RANBP17: variants seen among roughly 807,000 people sequenced by gnomAD.
RANBP17 encodes the protein RAN binding protein 17.
RANBP17 carries 158 observed loss-of-function variants against 141.2 expected under a neutral mutation model. The ratio of observed to expected loss-of-function variants is 1.12; its 90% CI spans 0.98 to 1.28. The LOEUF is 1.28. Ranked by LOEUF, RANBP17 falls within the 50% of genes most tolerant of loss-of-function variation. The pLI, the probability that RANBP17 is intolerant of heterozygous loss-of-function variation, is 0.00. For synonymous variants in RANBP17, 430 were observed against 450.0 expected (o/e 0.96, Z 0.56); for missense variants, 1,438 against 1,290.7 (o/e 1.11, Z -1.75).
intron 14 of RANBP17, among the ~76,000 whole-genome samples, chr5:170,992,472 A>G (rs1277642458): frequency 6.6e-6 from 1 of 152,008 alleles, no homozygotes; most frequent in East Asian, 1.9e-4. Context: ...TCAAGATATG[A>G]ATACTGTACT....
intron 12 of RANBP17, among the ~76,000 whole-genome samples, chr5:170,943,903 T>G (rs1167931482): frequency 6.6e-6 from 1 of 152,300 alleles, no homozygotes; most frequent in Admixed American, 6.5e-5. Flanking sequence ...AATCTAATCT[T>G]TTAGCAAATA....
intron 15 of RANBP17, among the ~76,000 whole-genome samples, chr5:171,170,811 CATA>C (rs1444902737): frequency 6.6e-6 from 1 of 152,062 alleles, no homozygotes; most frequent in African/African-American, 2.4e-5. Context: ...CAGTCGTGAT[CATA>C]AGAAGTGAGT....
chr5:170,894,089 A>G (rs912010370), intron 4 of RANBP17, among the ~76,000 whole-genome samples: 5 of 152,160 alleles, frequency 3.3e-5, no homozygotes, highest in Non-Finnish European at 7.3e-5. Flanking sequence ...CTCCACAGGA[A>G]TAAGTGTTCT....
At chr5:171,014,956 C>A (rs1780330620) in intron 14 of RANBP17, among the ~76,000 whole-genome samples, 1 of 151,850 alleles carries the variant, frequency 6.6e-6, no homozygotes, top group African/African-American at 2.4e-5. Flanking sequence ...AGTTTTTTTC[C>A]CCTTTCAATA....
chr5:171,098,868 T>C (rs1786907857), intron 14 of RANBP17, among the ~76,000 whole-genome samples: 1 of 152,178 alleles, frequency 6.6e-6, no homozygotes, highest in Admixed American at 6.5e-5. Context: ...GTTTCTTAAA[T>C]AGGGAATTCT....
intron 25 of RANBP17, among the ~76,000 whole-genome samples, chr5:171,285,561 G>C (rs1415347544): frequency 6.6e-6 from 1 of 152,204 alleles, no homozygotes; most frequent in East Asian, 1.9e-4. Context: ...GCAAGAGTGA[G>C]AGTTTCCCAA....
intron 14 of RANBP17, among the ~76,000 whole-genome samples, chr5:171,114,571 C>G (rs1432400415): frequency 6.6e-6 from 1 of 151,184 alleles, no homozygotes; most frequent in African/African-American, 2.4e-5. Context: ...ATCACTACCT[C>G]CAAAAGTTTA....
chr5:171,111,469 C>T (rs191164367), intron 14 of RANBP17, among the ~76,000 whole-genome samples: 4 of 152,136 alleles, frequency 2.6e-5, no homozygotes, highest in Non-Finnish European at 5.9e-5. Flanking sequence ...AATGGGTTCC[C>T]CTAATTCTAG....
At chr5:170,956,797 C>T (rs1489235088) in intron 13 of RANBP17, among the ~76,000 whole-genome samples, 11 of 150,636 alleles carry the variant, frequency 7.3e-5, no homozygotes, top group Admixed American at 6.0e-4. Flanking sequence ...AACGACTGGG[C>T]GCAGTGGCTC....
In RANBP17 at chr5:171,248,095, G is replaced by A. The variant is rs986016636; in HGVS notation, c.2776+5275G>A. Reference sequence around the variant, plus strand: ...AAGAACTCACAGGAAGGCTGGGCGCGTTGGCTAACGCCTGTAATCTCAGCA... The same window carrying A: ...AAGAACTCACAGGAAGGCTGGGCGCATTGGCTAACGCCTGTAATCTCAGCA... On this transcript the variant is annotated intron_variant, in intron 24 of 27. Coordinates refer to ENST00000523189, the MANE Select transcript of RANBP17 (RefSeq NM_022897.5). Among the ~76,000 whole-genome samples the A allele has an allele frequency of 5.3e-5, 8 of 152,274 alleles. 1 individual carries two copies. Among genetic ancestry groups the A allele is most frequent in the Admixed American group, 2.6e-4 (4 of 15,292 alleles).
chr5:171,168,515 G>A (rs758320900), intron 14 of RANBP17, among the ~76,000 whole-genome samples: 2 of 152,132 alleles, frequency 1.3e-5, no homozygotes, highest in South Asian at 2.1e-4. Context: ...TTCTATATAC[G>A]AGAGAGGTTT....
intron 14 of RANBP17, among the ~76,000 whole-genome samples, chr5:171,120,425 G>A (rs1446666513): frequency 6.6e-6 from 1 of 152,208 alleles, no homozygotes; most frequent in Non-Finnish European, 1.5e-5. Flanking sequence ...TGGCACTCAA[G>A]TCATGATACA....
intron 24 of RANBP17, chr5:171,252,088 A>G: frequency 6.3e-7 from 1 of 1,599,116 alleles, no homozygotes; most frequent in Non-Finnish European, 8.6e-7. Flanking sequence ...TAGCATAGCC[A>G]CTCAGAAGAA....
intron 3 of RANBP17, among the ~76,000 whole-genome samples, chr5:170,887,816 A>G (rs1272974916): frequency 6.6e-6 from 1 of 152,036 alleles, no homozygotes; most frequent in African/African-American, 2.4e-5. Flanking sequence ...GCATTATCCC[A>G]TGGTGGGAGG....
chr5:171,216,804 T>C (rs1763248798), intron 21 of RANBP17, among the ~76,000 whole-genome samples: 1 of 152,222 alleles, frequency 6.6e-6, no homozygotes, highest in East Asian at 1.9e-4. Context: ...TTTAAGGAGT[T>C]TTTGGGCTGA....
At chr5:170,988,830 C>G (rs1272338794) in intron 14 of RANBP17, among the ~76,000 whole-genome samples, 1 of 151,550 alleles carries the variant, frequency 6.6e-6, no homozygotes, top group Non-Finnish European at 1.5e-5. Context: ...TATTTTTGTA[C>G]CAAATTAAAT....
chr5:170,993,731 T>C (rs1235530758), intron 14 of RANBP17, among the ~76,000 whole-genome samples: 1 of 152,030 alleles, frequency 6.6e-6, no homozygotes, highest in Non-Finnish European at 1.5e-5. Context: ...GCTGTCACTT[T>C]TCTGGTTCAA....
chr5:170,981,625 G>T (rs10042534), intron 14 of RANBP17, among the ~76,000 whole-genome samples: 92,842 of 151,556 alleles, frequency 0.61, 29,825 homozygotes, highest in South Asian at 0.89. Flanking sequence ...CCTTGTGCCA[G>T]GATTGTGAAG....
intron 14 of RANBP17, among the ~76,000 whole-genome samples, chr5:171,078,821 T>G (rs566212315): frequency 2.0e-5 from 3 of 152,222 alleles, no homozygotes; most frequent in East Asian, 1.9e-4. Flanking sequence ...GACCACACAC[T>G]TGGTCATGCA....
Sources: gnomAD v4.1 joint callset for allele counts (sites outside exome capture counted in the v4.1 genomes callset) on GRCh38, gnomAD v4.1.1 for gene constraint, MANE v1.5 for transcripts, NCBI Gene and HGNC (gene_info 2026-07-23, HGNC 2026-07-21) for gene names.